The following CHCHD3 variants were observed in gnomAD, a reference collection of about 807,000 sequenced individuals.
CHCHD3 encodes coiled-coil-helix-coiled-coil-helix domain containing 3.
CHCHD3 carries 20 observed loss-of-function variants against 38.2 expected under a neutral mutation model. The observed-to-expected ratio is 0.52, with a 90% CI of 0.37 to 0.76. CHCHD3 has a LOEUF of 0.76. Among genes scored for constraint, CHCHD3 ranks in the 30% least tolerant of loss-of-function variants. CHCHD3 has a pLI of 0.00. For missense variants in CHCHD3, 245 were observed against 279.2 expected (o/e 0.88, Z 0.87); for synonymous variants, 82 against 100.0 (o/e 0.82, Z 1.07).
chr7:132,894,410 C>A (rs1029469175), intron 4 of CHCHD3, among the ~76,000 whole-genome samples: 1 of 152,206 alleles, frequency 6.6e-6, no homozygotes, highest in African/African-American at 2.4e-5. Flanking sequence ...CAGCCCTGCA[C>A]CCATGTTCCA....
intron 4 of CHCHD3, among the ~76,000 whole-genome samples, chr7:132,939,655 A>T (rs1159905961): frequency 6.6e-6 from 1 of 152,156 alleles, no homozygotes; most frequent in African/African-American, 2.4e-5. Flanking sequence ...TGACTCTCTA[A>T]ACATTAAGGA....
chr7:132,912,054 C>A (rs1809965514), intron 4 of CHCHD3, among the ~76,000 whole-genome samples: 1 of 152,174 alleles, frequency 6.6e-6, no homozygotes, highest in Non-Finnish European at 1.5e-5. Flanking sequence ...ATTCATAATT[C>A]TTCACCCTCT....
At chr7:132,911,770 G>A (rs1809957415) in intron 4 of CHCHD3, among the ~76,000 whole-genome samples, 1 of 152,138 alleles carries the variant, frequency 6.6e-6, no homozygotes, top group South Asian at 2.1e-4. Context: ...CTGTCCCCAT[G>A]TTTATTGCCC....
intron 2 of CHCHD3, among the ~76,000 whole-genome samples, chr7:133,059,064 C>T (rs888524280): frequency 7.2e-5 from 11 of 152,132 alleles, no homozygotes; most frequent in Admixed American, 2.0e-4. Context: ...ACACCAAAGT[C>T]CCTAGACTTC....
At chr7:132,867,464 AT>A (rs2117143387) in intron 5 of CHCHD3, among the ~76,000 whole-genome samples, 1 of 152,354 alleles carries the variant, frequency 6.6e-6, no homozygotes, top group South Asian at 2.1e-4. Context: ...GAGAATAGTT[AT>A]TCTTGAATTC....
intron 5 of CHCHD3, among the ~76,000 whole-genome samples, chr7:132,847,729 T>C (rs1389986344): frequency 6.6e-6 from 1 of 152,218 alleles, no homozygotes; most frequent in East Asian, 1.9e-4. Flanking sequence ...AAAGAAAACA[T>C]GCACATACAC....
At chr7:132,917,393 C>T (rs544913785) in intron 4 of CHCHD3, among the ~76,000 whole-genome samples, 44 of 152,336 alleles carry the variant, frequency 2.9e-4, no homozygotes, top group Admixed American at 2.3e-3. Flanking sequence ...AAGTGATCCC[C>T]TCAACCCTCT....
chr7:133,001,162 C>A (rs761183546), intron 3 of CHCHD3, among the ~76,000 whole-genome samples: 5 of 152,150 alleles, frequency 3.3e-5, no homozygotes, highest in Non-Finnish European at 5.9e-5. Context: ...TTGCATGTTA[C>A]CTTCTGGCAT....
In CHCHD3 at chr7:132,788,518, G is replaced by A. The variant is rs1235023546; in HGVS notation, c.661-2858C>T. 1.3e-5 allele frequency among the ~76,000 whole-genome samples: 2 copies of A among 152,270 alleles called. No individual in the cohort carries two copies. The highest frequency in any genetic ancestry group is 2.1e-4 in the South Asian group (1 of 4,824). On this transcript the variant is annotated intron_variant, in intron 7 of 7. Coordinates refer to ENST00000262570, the MANE Select transcript of CHCHD3 (RefSeq NM_017812.4). The surrounding 1 kb of genome is among the most constrained non-coding windows in gnomAD (Gnocchi z 4.0). ...AGCAACAGTTAAAGAGTGTTTTCAC[G>A]AGTCTAGAGATTGTTTTTACTATTC...
At chr7:133,012,816 G>C (rs1313605694) in intron 3 of CHCHD3, among the ~76,000 whole-genome samples, 1 of 123,272 alleles carries the variant, frequency 8.1e-6, no homozygotes, top group Admixed American at 8.0e-5. Context: ...GGAAGAGAGG[G>C]GAGGGGAAGG....
intron 4 of CHCHD3, among the ~76,000 whole-genome samples, chr7:132,916,523 A>T (rs1810110555): frequency 6.6e-6 from 1 of 152,176 alleles, no homozygotes; most frequent in Non-Finnish European, 1.5e-5. Flanking sequence ...CATAACTTTT[A>T]TTATAGTATA....
chr7:132,838,133 C>T (rs868056208), intron 6 of CHCHD3, among the ~76,000 whole-genome samples: 24 of 152,140 alleles, frequency 1.6e-4, no homozygotes, highest in African/African-American at 5.6e-4. Context: ...TATATTATTA[C>T]AAATGATAAT....
intron 4 of CHCHD3, among the ~76,000 whole-genome samples, chr7:132,932,155 G>A (rs1235881143): frequency 6.6e-6 from 1 of 152,150 alleles, no homozygotes; most frequent in Non-Finnish European, 1.5e-5. Context: ...CACAGCAGCT[G>A]ATCTATCAAT....
chr7:132,844,971 A>C (rs1262867515), intron 5 of CHCHD3: 3 of 152,200 alleles, frequency 2.0e-5, no homozygotes, highest in Non-Finnish European at 4.4e-5. Flanking sequence ...GTGTGGGGAG[A>C]CTGAATGCTC....
At position 133,024,535 on chromosome 7, in the gene CHCHD3, A is replaced by T; in HGVS notation, c.251+11T>A. 6.2e-7 allele frequency: 1 copy of T among 1,605,216 alleles called. No individual in the cohort carries two copies. The highest frequency in any genetic ancestry group is 8.5e-7 in the Non-Finnish European group (1 of 1,172,354). On this transcript the variant is annotated intron_variant, in intron 3 of 7. Coordinates refer to ENST00000262570, the MANE Select transcript of CHCHD3 (RefSeq NM_017812.4). Reference sequence around the variant, plus strand: ...CCCACCAAAACCTCTCTCTGATACCACAAAACTCACCGTTTCTGATCTTCG... The same window carrying T: ...CCCACCAAAACCTCTCTCTGATACCTCAAAACTCACCGTTTCTGATCTTCG...
At chr7:132,934,271 G>T (rs1170358992) in intron 4 of CHCHD3, among the ~76,000 whole-genome samples, 1 of 152,138 alleles carries the variant, frequency 6.6e-6, no homozygotes, top group South Asian at 2.1e-4. Context: ...TCTACACACC[G>T]CATTTGGTTC....
intron 7 of CHCHD3, among the ~76,000 whole-genome samples, chr7:132,787,655 T>C (rs1485659570): frequency 6.6e-6 from 1 of 152,038 alleles, no homozygotes; most frequent in East Asian, 1.9e-4. Context: ...AATTTAAAAA[T>C]GATTGAAATT....
At chr7:133,017,540 T>C (rs1813062486) in intron 3 of CHCHD3, among the ~76,000 whole-genome samples, 1 of 152,208 alleles carries the variant, frequency 6.6e-6, no homozygotes, top group Non-Finnish European at 1.5e-5. Context: ...AAATTGACTT[T>C]GGCACAAATG....
intron 3 of CHCHD3, among the ~76,000 whole-genome samples, chr7:133,014,150 A>C (rs530572301): frequency 6.6e-6 from 1 of 152,270 alleles, no homozygotes; most frequent in South Asian, 2.1e-4. Context: ...TTTTTGTTTT[A>C]ATCTAAATCA....
Sources: gnomAD v4.1 joint callset for allele counts (sites outside exome capture counted in the v4.1 genomes callset) on GRCh38, gnomAD v4.1.1 for gene constraint, Gnocchi (gnomAD v3.1) non-coding constraint, MANE v1.5 for transcripts, NCBI Gene and HGNC (gene_info 2026-07-23, HGNC 2026-07-21) for gene names.